Variants in GOLPH3L observed in about 807,000 individuals in gnomAD.
GOLPH3L encodes the protein golgi phosphoprotein 3 like.
GOLPH3L carries 22 observed loss-of-function variants against 30.3 expected under a neutral mutation model. The observed-to-expected ratio is 0.73, with a 90% CI of 0.52 to 1.04. GOLPH3L has a LOEUF of 1.04. GOLPH3L is among the 50% of genes least tolerant of loss of function. The pLI is 0.00. For missense variants in GOLPH3L, 303 were observed against 345.8 expected (o/e 0.88, Z 0.98); for synonymous variants, 120 against 128.2 (o/e 0.94, Z 0.43).
chr1:150,648,845 A>G (rs1418829823), intron 4 of GOLPH3L, 97 bp from the exon 5 acceptor site: 1 of 741,062 alleles, frequency 1.3e-6, no homozygotes, highest in East Asian at 2.5e-5. Context: ...AATGTTTAAA[A>G]GCATAATCTT....
chr1:150,682,817 T>C (rs1650988328), intron 2 of GOLPH3L, among the ~76,000 whole-genome samples: 1 of 152,090 alleles, frequency 6.6e-6, no homozygotes, highest in South Asian at 2.1e-4. Context: ...AACCCTTTGA[T>C]TCAGTATTTT....
intron 2 of GOLPH3L, among the ~76,000 whole-genome samples, chr1:150,680,073 C>T (rs955703873): frequency 2.7e-4 from 41 of 152,170 alleles, no homozygotes; most frequent in African/African-American, 9.6e-4. Context: ...GGAACAAAAT[C>T]CAGAGAAGTA....
At chr1:150,654,249 G>C (rs1035995812) in intron 4 of GOLPH3L, among the ~76,000 whole-genome samples, 2 of 151,442 alleles carry the variant, frequency 1.3e-5, no homozygotes, top group Non-Finnish European at 2.9e-5. Context: ...GCTCATTCCT[G>C]TAATCCCAGC....
At chr1:150,667,940 A>T (rs1448118484) in intron 2 of GOLPH3L, among the ~76,000 whole-genome samples, 1 of 151,932 alleles carries the variant, frequency 6.6e-6, no homozygotes, top group Non-Finnish European at 1.5e-5. Context: ...CTTTGCACAC[A>T]CTGCTCTGTT....
intron 2 of GOLPH3L, among the ~76,000 whole-genome samples, chr1:150,667,926 T>A (rs1292139013): frequency 6.6e-6 from 1 of 152,086 alleles, no homozygotes; most frequent in Non-Finnish European, 1.5e-5. Context: ...TTTCCCCTAT[T>A]GGCCTTTGCA....
chr1:150,663,787 G>T (rs1260571142), intron 2 of GOLPH3L, 24 bp from the exon 3 acceptor site: 1 of 1,605,402 alleles, frequency 6.2e-7, no homozygotes, highest in African/African-American at 1.3e-5. Flanking sequence ...AAAGAGAAGA[G>T]AAAGAATGTT....
chr1:150,651,410 G>T (rs1650100546), intron 4 of GOLPH3L, among the ~76,000 whole-genome samples: 1 of 152,062 alleles, frequency 6.6e-6, no homozygotes, highest in South Asian at 2.1e-4. Flanking sequence ...AGCACTTTGG[G>T]AGGCTGAGGC....
chr1:150,675,833 A>C (rs1226855102), intron 2 of GOLPH3L, among the ~76,000 whole-genome samples: 1 of 150,386 alleles, frequency 6.6e-6, no homozygotes, highest in African/African-American at 2.4e-5. Flanking sequence ...GATAGAAGAA[A>C]CTGCGAAGAG....
intron 2 of GOLPH3L, among the ~76,000 whole-genome samples, chr1:150,673,666 C>T (rs1349730758): frequency 6.6e-6 from 1 of 152,018 alleles, no homozygotes; most frequent in Non-Finnish European, 1.5e-5. Flanking sequence ...CAGTGGCTCA[C>T]GCCAGTAATC....
intron 4 of GOLPH3L, among the ~76,000 whole-genome samples, chr1:150,652,982 G>C (rs1650158690): frequency 6.6e-6 from 1 of 151,686 alleles, no homozygotes; most frequent in African/African-American, 2.4e-5. Context: ...GTAACACATA[G>C]AGATGTAATA....
At chr1:150,649,863 G>T (rs757294462) in intron 4 of GOLPH3L, among the ~76,000 whole-genome samples, 4 of 152,092 alleles carry the variant, frequency 2.6e-5, no homozygotes, top group Non-Finnish European at 5.9e-5. Flanking sequence ...CGGGTGTGGT[G>T]GTACACGCCT....
chr1:150,675,399 G>A (rs1272798553), intron 2 of GOLPH3L, among the ~76,000 whole-genome samples: 2 of 152,012 alleles, frequency 1.3e-5, no homozygotes, highest in East Asian at 1.9e-4. Context: ...TCATATGGGT[G>A]TATGTACAAC....
At chr1:150,669,610 G>A (rs1417056430) in intron 2 of GOLPH3L, among the ~76,000 whole-genome samples, 1 of 152,140 alleles carries the variant, frequency 6.6e-6, no homozygotes, top group Non-Finnish European at 1.5e-5. Flanking sequence ...ATTGTCTCAT[G>A]GCTAATGGAG....
chr1:150,688,506 C>A (rs978534889), intron 2 of GOLPH3L, among the ~76,000 whole-genome samples: 2 of 152,170 alleles, frequency 1.3e-5, no homozygotes, highest in Admixed American at 1.3e-4. Context: ...AATCCCAGCA[C>A]TTTGGGAGGC....
At chr1:150,682,101 T>C (rs1032885613) in intron 2 of GOLPH3L, among the ~76,000 whole-genome samples, 1 of 151,910 alleles carries the variant, frequency 6.6e-6, no homozygotes, top group Non-Finnish European at 1.5e-5. Context: ...TATACATATA[T>C]ATGCACTGAA....
Position 150,646,230 on chromosome 1 carries a change from G to C in GOLPH3L, c.*2091C>G, listed in dbSNP as rs1649969058. On this transcript the variant is annotated 3_prime_UTR_variant, in exon 5 of 5. Coordinates refer to ENST00000271732, the MANE Select transcript of GOLPH3L (RefSeq NM_018178.6). Reference sequence around the variant, plus strand: ...TAAAATTGTGCACAGAGAGACCAGAGAGCTGATAATTGATCTTTATTATAC... The same window carrying C: ...TAAAATTGTGCACAGAGAGACCAGACAGCTGATAATTGATCTTTATTATAC... 1 of 152,162 alleles carries C rather than the reference G, an allele frequency of 6.6e-6. No homozygotes were observed. The allele number at this position is 152,162 out of a possible 1,614,324, so 9.4% of individuals were successfully genotyped here. A position where few individuals can be genotyped will look rare whatever the true frequency, so the allele number is the denominator to read the frequency against.
At chr1:150,674,715 A>G (rs1161745937) in intron 2 of GOLPH3L, among the ~76,000 whole-genome samples, 2 of 151,554 alleles carry the variant, frequency 1.3e-5, no homozygotes, top group Non-Finnish European at 2.9e-5. Flanking sequence ...ACATACTGAG[A>G]CTCCATCTAT....
At chr1:150,653,372 T>C (rs1650170340) in intron 4 of GOLPH3L, among the ~76,000 whole-genome samples, 1 of 149,472 alleles carries the variant, frequency 6.7e-6, no homozygotes, top group African/African-American at 2.5e-5. Context: ...CTCAGCTCAC[T>C]GCAACCGCTG....
chr1:150,684,730 C>T (rs1046125696), intron 2 of GOLPH3L, among the ~76,000 whole-genome samples: 3 of 151,464 alleles, frequency 2.0e-5, no homozygotes, highest in Non-Finnish European at 4.4e-5. Context: ...TGCAATGGTG[C>T]GATCTCAGCT....
Sources: allele counts gnomAD v4.1 joint callset (sites outside exome capture counted in the v4.1 genomes callset), GRCh38; gene constraint gnomAD v4.1.1; transcripts MANE v1.5; gene names NCBI Gene and HGNC (gene_info 2026-07-23, HGNC 2026-07-21).